Variants in CEP85L observed in about 807,000 individuals in gnomAD.
CEP85L encodes centrosomal protein of 85 kDa-like.
Under a neutral mutation model 100.3 loss-of-function variants are expected in CEP85L, and 60 were observed. The ratio of observed to expected loss-of-function variants is 0.60; its 90% CI spans 0.49 to 0.74. The LOEUF (loss-of-function observed/expected upper bound fraction) is 0.74. CEP85L is among the 30% of genes least tolerant of loss of function. CEP85L has a pLI of 0.00. For synonymous variants in CEP85L, 319 were observed against 322.7 expected (o/e 0.99, Z 0.12); for missense variants, 973 against 936.2 (o/e 1.04, Z -0.51).
chr6:118,575,882 T>A (rs1780197286), intron 2 of CEP85L, among the ~76,000 whole-genome samples: 1 of 151,742 alleles, frequency 6.6e-6, no homozygotes, highest in Non-Finnish European at 1.5e-5. Flanking sequence ...TGCCAAAGCA[T>A]CCAAGTTGAC....
rs1448027312 is a variant in CEP85L, at chr6:118,676,239, G to A, written c.-27-23431C>T. Among the ~76,000 whole-genome samples the A allele has an allele frequency of 3.3e-5, 5 of 152,130 alleles. No homozygotes were observed. In the South Asian group the frequency reaches 6.2e-4, roughly 19 times the overall value. On this transcript the variant is annotated intron_variant, in intron 1 of 13. Coordinates refer to the CEP85L transcript ENST00000368488. ...CACCTACTTAACATTCTTCTATGGTGAGAACATTTAAAATCTACTTAGATT... is the reference window on the plus strand; with the variant it reads ...CACCTACTTAACATTCTTCTATGGTAAGAACATTTAAAATCTACTTAGATT...
chr6:118,578,822 C>T (rs1180431480), intron 2 of CEP85L, among the ~76,000 whole-genome samples: 2 of 152,176 alleles, frequency 1.3e-5, no homozygotes, highest in African/African-American at 2.4e-5. Context: ...AAGTAAATTG[C>T]CTTGCTGAGA....
intron 4 of CEP85L, among the ~76,000 whole-genome samples, chr6:118,511,831 C>T (rs1775989469): frequency 6.6e-6 from 1 of 151,974 alleles, no homozygotes; most frequent in South Asian, 2.1e-4. Context: ...ATCAAAAGAC[C>T]TTGTTCTACT....
chr6:118,569,727 C>T (rs1779772236), intron 2 of CEP85L, among the ~76,000 whole-genome samples: 2 of 151,252 alleles, frequency 1.3e-5, no homozygotes, highest in Admixed American at 1.3e-4. Flanking sequence ...ATATTAATTT[C>T]AATGTAACAG....
At chr6:118,477,438 T>C (rs1263105264) in intron 10 of CEP85L, among the ~76,000 whole-genome samples, 1 of 152,170 alleles carries the variant, frequency 6.6e-6, no homozygotes, top group Non-Finnish European at 1.5e-5. Context: ...TTATTTGACT[T>C]TTGTGGCAAA....
chr6:118,558,008 A>G (rs1023449236), intron 3 of CEP85L, among the ~76,000 whole-genome samples: 8 of 150,066 alleles, frequency 5.3e-5, no homozygotes, highest in Middle Eastern at 3.4e-3. Context: ...TCTGTCACCC[A>G]GGCTGGAGTA....
rs553863019 is a variant in CEP85L, at chr6:118,648,623, T to TC, written c.73+2573dup. The stretch of plus-strand genomic sequence containing the variant: ...CGGGTGTGGTGGCGGGAGCCTGTAG[T>TC]CCCAGCTACTCGGGAGGCTGAGGCA... On this transcript the variant is annotated intron_variant, in intron 1 of 12. Transcript: ENST00000368491. Among the ~76,000 whole-genome samples the TC allele has an allele frequency of 1.1e-4, 16 of 151,472 alleles. No homozygotes were observed. In the East Asian group the frequency reaches 2.5e-3, roughly 24 times the overall value.
At chr6:118,635,621 C>A (rs1436235149) in intron 1 of CEP85L, among the ~76,000 whole-genome samples, 1 of 152,230 alleles carries the variant, frequency 6.6e-6, no homozygotes, top group East Asian at 1.9e-4. Flanking sequence ...GCTCAAGATA[C>A]GCAAATTCAG....
intron 5 of CEP85L, chr6:118,502,494 A>G: frequency 1.9e-6 from 1 of 518,800 alleles, no homozygotes; most frequent in Non-Finnish European, 3.7e-6. Flanking sequence ...ACAAATGGAG[A>G]TTACACAAGT....
chr6:118,601,881 G>GT (rs1215023760), intron 2 of CEP85L, among the ~76,000 whole-genome samples: 1 of 152,176 alleles, frequency 6.6e-6, no homozygotes, highest in Non-Finnish European at 1.5e-5. Flanking sequence ...ACTGCAACAT[G>GT]TTTTATCAGC....
chr6:118,602,450 A>T (rs1781835644), intron 2 of CEP85L, among the ~76,000 whole-genome samples: 1 of 152,196 alleles, frequency 6.6e-6, no homozygotes, highest in South Asian at 2.1e-4. Flanking sequence ...GCTGATTGCA[A>T]TGTGCCCAGA....
chr6:118,695,464 A>T (rs144629340), intron 1 of CEP85L, among the ~76,000 whole-genome samples: 1 of 152,286 alleles, frequency 6.6e-6, no homozygotes, highest in Non-Finnish European at 1.5e-5. Context: ...ATACTTTTTT[A>T]GAGGGTCTGT....
At position 118,513,885 on chromosome 6, in the gene CEP85L, T is replaced by A. The variant is rs575029028; in HGVS notation, c.1140-2470A>T. On this transcript the variant is annotated intron_variant, in intron 4 of 12. Coordinates refer to ENST00000368491, the MANE Select transcript of CEP85L (RefSeq NM_001042475.3). Reference sequence around the variant, plus strand: ...AATACATAAGATATTTTTCTTATTATTTAAATCTCATTAAAAGATCATAAA... The same window carrying A: ...AATACATAAGATATTTTTCTTATTAATTAAATCTCATTAAAAGATCATAAA... Among the ~76,000 whole-genome samples, 4 of 152,262 alleles carry A rather than the reference T, an allele frequency of 2.6e-5. No individual in the cohort carries two copies. In the South Asian group the frequency reaches 6.2e-4, roughly 24 times the overall value.
rs1039026881 is a variant in CEP85L, at chr6:118,514,862, C to T, written c.1140-3447G>A. On this transcript the variant is annotated intron_variant, in intron 4 of 12. Transcript: ENST00000368491. ...CTCTGTCACTCAGGCTGGAAGGCAG[C>T]GGTGTGATTAGAGCTCACTACAGCC... Among the ~76,000 whole-genome samples, 85 of 151,524 alleles carry T rather than the reference C, an allele frequency of 5.6e-4. 1 individual carries two copies. Among genetic ancestry groups the T allele is most frequent in the Admixed American group, 4.5e-3 (69 of 15,228 alleles).
chr6:118,560,459 T>C (rs972516050), intron 3 of CEP85L: 1 of 166,882 alleles, frequency 6.0e-6, no homozygotes, highest in East Asian at 1.9e-4. Flanking sequence ...TCACATTGAG[T>C]AGGCAGAGGA....
chr6:118,642,979 G>C (rs1421562984), intron 1 of CEP85L, among the ~76,000 whole-genome samples: 1 of 152,138 alleles, frequency 6.6e-6, no homozygotes, highest in Non-Finnish European at 1.5e-5. Flanking sequence ...CCTTGTTCCT[G>C]TTTAAAAACT....
intron 12 of CEP85L, among the ~76,000 whole-genome samples, chr6:118,465,921 T>C (rs185856436): frequency 3.9e-5 from 6 of 152,290 alleles, no homozygotes; most frequent in Admixed American, 3.9e-4. Context: ...CTGAAGACCA[T>C]TTGTGTAGTA....
intron 3 of CEP85L, among the ~76,000 whole-genome samples, chr6:118,540,432 G>C (rs534409979): frequency 6.6e-6 from 1 of 152,180 alleles, no homozygotes; most frequent in East Asian, 1.9e-4. Flanking sequence ...ATAGCTCAAA[G>C]ATCAGTATGC....
chr6:118,525,464 G>A (rs1340089905), intron 3 of CEP85L, among the ~76,000 whole-genome samples: 6 of 152,132 alleles, frequency 3.9e-5, no homozygotes, highest in African/African-American at 1.4e-4. Context: ...TTAAGGTAAG[G>A]CCTAATTCAA....
Sources: allele counts gnomAD v4.1 joint callset (sites outside exome capture counted in the v4.1 genomes callset), GRCh38; gene constraint gnomAD v4.1.1; transcripts MANE v1.5; gene names NCBI Gene and HGNC (gene_info 2026-07-23, HGNC 2026-07-21).